The following ZSCAN25 variants were observed in gnomAD, a reference collection of about 807,000 sequenced individuals.
The protein encoded by ZSCAN25 is zinc finger and SCAN domain-containing protein 25.
Under a neutral mutation model 38.7 loss-of-function variants are expected in ZSCAN25, and 27 were observed. The ratio of observed to expected loss-of-function variants is 0.70; its 90% CI spans 0.51 to 0.96. ZSCAN25 has a LOEUF of 0.96. Ranked by LOEUF, ZSCAN25 falls within the 40% of genes least tolerant of loss-of-function variation. ZSCAN25 has a pLI of 0.00. For synonymous variants in ZSCAN25, 273 were observed against 277.7 expected (o/e 0.98, Z 0.17); for missense variants, 637 against 705.9 (o/e 0.90, Z 1.11).
At chr7:99,672,792 G>A in the ZSCAN25 span, 94 of 1,549,820 alleles carry the variant, frequency 6.1e-5, no homozygotes, top group Non-Finnish European at 7.9e-5. Context: ...ACCCCTAGTT[G>A]TACGACACAC....
the ZSCAN25 span, chr7:99,663,684 A>G: frequency 1.9e-6 from 2 of 1,040,000 alleles, no homozygotes; most frequent in Non-Finnish European, 2.3e-6. Flanking sequence ...ATCCTTTGAC[A>G]ATTTATTAAA....
the ZSCAN25 span, chr7:99,735,140 AGCGTGCTG>A: frequency 1.2e-6 from 2 of 1,611,874 alleles, no homozygotes; most frequent in Admixed American, 3.3e-5. Flanking sequence ...TTTTTTCAGC[AGCGTGCTG>A]CTGTTTGCTG....
the ZSCAN25 span, among the ~76,000 whole-genome samples, chr7:99,725,360 A>G: frequency 7.9e-5 from 12 of 152,194 alleles, no homozygotes; most frequent in Admixed American, 2.0e-4. Context: ...AAATAGCCTC[A>G]CCTTCAAGGT....
the ZSCAN25 span, chr7:99,714,428 TA>T: frequency 1.4e-6 from 2 of 1,444,330 alleles, no homozygotes. Context: ...TATCTTGCTC[TA>T]AACATAAGTA....
the ZSCAN25 span, chr7:99,708,909 G>T: frequency 2.6e-6 from 3 of 1,154,540 alleles, no homozygotes; most frequent in Non-Finnish European, 3.8e-6. Context: ...TTCATGATTT[G>T]AAAAAACCTT....
At chr7:99,643,588 A>G in the ZSCAN25 span, among the ~76,000 whole-genome samples, 1 of 151,846 alleles carries the variant, frequency 6.6e-6, no homozygotes, top group East Asian at 2.0e-4. Flanking sequence ...TTGTGGTTTT[A>G]TGGCCAGAGA....
At chr7:99,711,303 T>C in the ZSCAN25 span, among the ~76,000 whole-genome samples, 6 of 152,230 alleles carry the variant, frequency 3.9e-5, no homozygotes, top group Non-Finnish European at 8.8e-5. Context: ...AGCTACAATA[T>C]ACCTTGACAA....
the ZSCAN25 span, chr7:99,660,214 CTTTTTTTTTTT>C: frequency 5.0e-4 from 214 of 429,908 alleles, no homozygotes; most frequent in Middle Eastern, 1.2e-3. Context: ...CGCCACACTC[CTTTTTTTTTTT>C]TTTTTTTTTT....
the ZSCAN25 span, among the ~76,000 whole-genome samples, chr7:99,713,261 AG>A: frequency 6.6e-6 from 1 of 152,168 alleles, no homozygotes; most frequent in Non-Finnish European, 1.5e-5. Context: ...AGTTTTCCTT[AG>A]GGTTGCCCTT....
chr7:99,622,710 C>G, intron 6 of ZSCAN25, 70 bp downstream of exon 6: 1 of 1,444,880 alleles, frequency 6.9e-7, no homozygotes. Flanking sequence ...CCCAAGGTTT[C>G]TCTGCACAAC....
the ZSCAN25 span, chr7:99,714,432 C>G: frequency 6.8e-7 from 1 of 1,466,228 alleles, no homozygotes; most frequent in South Asian, 1.3e-5. Flanking sequence ...TTGCTCTAAA[C>G]ATAAGTACTC....
the ZSCAN25 span, among the ~76,000 whole-genome samples, chr7:99,712,652 A>ATT: frequency 6.6e-6 from 1 of 151,164 alleles, no homozygotes; most frequent in East Asian, 1.9e-4. Flanking sequence ...TGGACAGATG[A>ATT]TAGATAGATA....
At chr7:99,653,326 C>G in the ZSCAN25 span, among the ~76,000 whole-genome samples, 2 of 152,106 alleles carry the variant, frequency 1.3e-5, no homozygotes, top group Non-Finnish European at 2.9e-5. This position sits in a 1 kb window ranked among gnomAD's most constrained non-coding sequence, Gnocchi z 4.2. Context: ...TGGCGTGTGC[C>G]TGTAGTTCCA....
chr7:99,637,000 CTT>C (rs1298755618), downstream of ZSCAN25, among the ~76,000 whole-genome samples: 6 of 152,298 alleles, frequency 3.9e-5, no homozygotes, highest in African/African-American at 1.4e-4. Context: ...AACAGGGTAT[CTT>C]TTTTATTATT....
At chr7:99,695,681 ACTGATGGAACTAAG>A in the ZSCAN25 span, 1 of 1,369,974 alleles carries the variant, frequency 7.3e-7, no homozygotes, top group Non-Finnish European at 1.0e-6. Context: ...AAGCAGTTTT[ACTGATGGAACTAAG>A]CTGCTCTCTC....
At chr7:99,681,853 T>C in the ZSCAN25 span, among the ~76,000 whole-genome samples, 2 of 152,270 alleles carry the variant, frequency 1.3e-5, no homozygotes, top group African/African-American at 4.8e-5. Context: ...TGCCTGTGCT[T>C]GTGGGGTAGT....
the ZSCAN25 span, chr7:99,710,676 A>G: frequency 2.5e-6 from 4 of 1,612,760 alleles, no homozygotes; most frequent in African/African-American, 2.7e-5. Context: ...GTGGTGAGGA[A>G]GCATCTTTGC....
chr7:99,715,722 A>T, the ZSCAN25 span: 1 of 1,613,410 alleles, frequency 6.2e-7, no homozygotes, highest in Non-Finnish European at 8.5e-7. Flanking sequence ...TATTTTTAAG[A>T]GAGAGGGAGA....
the ZSCAN25 span, among the ~76,000 whole-genome samples, chr7:99,680,219 C>A: frequency 6.6e-6 from 1 of 152,074 alleles, no homozygotes; most frequent in Non-Finnish European, 1.5e-5. Context: ...TCTATTAACC[C>A]TCCTCTCACC....
Sources: gnomAD v4.1 joint callset for allele counts (sites outside exome capture counted in the v4.1 genomes callset) on GRCh38, gnomAD v4.1.1 for gene constraint, Gnocchi (gnomAD v3.1) non-coding constraint, MANE v1.5 for transcripts, NCBI Gene and HGNC (gene_info 2026-07-23, HGNC 2026-07-21) for gene names.